Variants in NOS1AP observed in about 807,000 individuals in gnomAD.
The protein encoded by NOS1AP is carboxyl-terminal PDZ ligand of neuronal nitric oxide synthase protein.
In NOS1AP, 21 loss-of-function variants were observed where a neutral mutation model predicts 56.2. That is an observed-to-expected ratio of 0.37 (90% CI 0.26 to 0.54). The LOEUF is 0.54. NOS1AP is among the 20% of genes least tolerant of loss of function. The pLI is 0.84. For missense variants in NOS1AP, 522 were observed against 657.8 expected, an observed-to-expected ratio of 0.79 and a Z score of 2.26; for synonymous variants, 270 against 274.6, an observed-to-expected ratio of 0.98 and a Z score of 0.17.
At chr1:162,095,625 G>C (rs1461847806) in intron 1 of NOS1AP, among the ~76,000 whole-genome samples, 2 of 152,102 alleles carry the variant, frequency 1.3e-5, no homozygotes, top group African/African-American at 4.8e-5. Flanking sequence ...AGTTCTGTAG[G>C]GACCATATTA....
At chr1:162,222,222 A>G (rs1652805887) in intron 2 of NOS1AP, among the ~76,000 whole-genome samples, 1 of 152,232 alleles carries the variant, frequency 6.6e-6, no homozygotes, top group South Asian at 2.1e-4. Context: ...GACAGCTTGA[A>G]TGCACATGGT....
chr1:162,346,550 C>T (rs924486910), intron 6 of NOS1AP, among the ~76,000 whole-genome samples: 11 of 152,132 alleles, frequency 7.2e-5, no homozygotes, highest in Non-Finnish European at 1.3e-4. Context: ...CATGCATGCA[C>T]ACACACACAT....
chr1:162,163,882 G>A (rs1650348820), intron 2 of NOS1AP, among the ~76,000 whole-genome samples: 1 of 152,152 alleles, frequency 6.6e-6, no homozygotes, highest in Admixed American at 6.5e-5. Flanking sequence ...ATCTGCACCA[G>A]ACTGAAAAGT....
intron 6 of NOS1AP, among the ~76,000 whole-genome samples, chr1:162,349,728 G>T (rs1657429857): frequency 6.6e-6 from 1 of 152,144 alleles, no homozygotes; most frequent in Admixed American, 6.5e-5. Flanking sequence ...CAGAATACAT[G>T]ACCTCATCTG....
At chr1:162,294,878 TCA>T (rs901382424) in intron 3 of NOS1AP, among the ~76,000 whole-genome samples, 1 of 152,196 alleles carries the variant, frequency 6.6e-6, no homozygotes, top group Non-Finnish European at 1.5e-5. Context: ...CCCTCCCCAC[TCA>T]CAATTTTTTC....
intron 2 of NOS1AP, among the ~76,000 whole-genome samples, chr1:162,272,205 G>A (rs79816788): frequency 4.6e-5 from 7 of 152,210 alleles, no homozygotes; most frequent in East Asian, 1.9e-4. Flanking sequence ...CCCTCTTGAC[G>A]TCATCTAAAC....
chr1:162,218,070 A>C (rs1251765774), intron 2 of NOS1AP, among the ~76,000 whole-genome samples: 1 of 152,230 alleles, frequency 6.6e-6, no homozygotes, highest in South Asian at 2.1e-4. Flanking sequence ...TAAGTGACTG[A>C]GTTAGGACTC....
chr1:162,204,513 C>A (rs919733225), intron 2 of NOS1AP, among the ~76,000 whole-genome samples: 2 of 152,164 alleles, frequency 1.3e-5, no homozygotes, highest in African/African-American at 4.8e-5. Flanking sequence ...CAGCGAATGG[C>A]CAGCCAGTGT....
chr1:162,154,848 T>G (rs967311219), intron 2 of NOS1AP, among the ~76,000 whole-genome samples: 22 of 152,076 alleles, frequency 1.4e-4, no homozygotes, highest in Non-Finnish European at 5.9e-5. Context: ...AAGATGGGGT[T>G]TCACCGTGTT....
intron 2 of NOS1AP, among the ~76,000 whole-genome samples, chr1:162,261,495 AG>A (rs1441391381): frequency 0.014 from 4 of 278 alleles, 2 homozygotes; most frequent in Non-Finnish European, 0.12. Context: ...AGAGAGAGAG[AG>A]AGAGAGAGAG....
At chr1:162,157,627 G>A (rs747686745) in intron 2 of NOS1AP, among the ~76,000 whole-genome samples, 3 of 152,206 alleles carry the variant, frequency 2.0e-5, no homozygotes, top group Non-Finnish European at 4.4e-5. Context: ...TTGGAAAACA[G>A]CAGTTATGAT....
intron 1 of NOS1AP, among the ~76,000 whole-genome samples, chr1:162,098,685 C>T (rs1692306235): frequency 1.3e-5 from 2 of 152,078 alleles, no homozygotes; most frequent in African/African-American, 4.8e-5. Context: ...CTGATAGACC[C>T]CTAGTGTGTG....
At chr1:162,183,964 G>T (rs1387123161) in intron 2 of NOS1AP, among the ~76,000 whole-genome samples, 2 of 152,146 alleles carry the variant, frequency 1.3e-5, no homozygotes, top group Admixed American at 1.3e-4. Flanking sequence ...TAACTGTTTG[G>T]CACAGGAGGC....
intron 5 of NOS1AP, among the ~76,000 whole-genome samples, chr1:162,336,624 C>T (rs1656948521): frequency 6.6e-6 from 1 of 152,140 alleles, no homozygotes; most frequent in Non-Finnish European, 1.5e-5. Context: ...GTAAATCACC[C>T]TTGGTCACAC....
At chr1:162,164,319 T>C (rs2102115906) in intron 2 of NOS1AP, among the ~76,000 whole-genome samples, 1 of 152,186 alleles carries the variant, frequency 6.6e-6, no homozygotes, top group Non-Finnish European at 1.5e-5. Flanking sequence ...GCATTGAGCA[T>C]CTACTCTTTG....
At chr1:162,268,698 A>G (rs1654496413) in intron 2 of NOS1AP, among the ~76,000 whole-genome samples, 1 of 152,194 alleles carries the variant, frequency 6.6e-6, no homozygotes, top group Admixed American at 6.5e-5. Flanking sequence ...GAATTAAGAC[A>G]CTACATTCTA....
intron 2 of NOS1AP, among the ~76,000 whole-genome samples, chr1:162,260,897 A>T (rs146542550): frequency 1.3e-5 from 2 of 152,244 alleles, no homozygotes; most frequent in Admixed American, 1.3e-4. Flanking sequence ...TTACAAGGTA[A>T]TGAAGCTGAT....
chr1:162,220,476 A>G (rs1396854876), intron 2 of NOS1AP, among the ~76,000 whole-genome samples: 4 of 152,162 alleles, frequency 2.6e-5, no homozygotes, highest in Non-Finnish European at 1.5e-5. Flanking sequence ...AGCCAAACTC[A>G]TGGAAGTGCT....
chr1:162,181,089 G>A (rs1035843950), intron 2 of NOS1AP, among the ~76,000 whole-genome samples: 1 of 152,216 alleles, frequency 6.6e-6, no homozygotes, highest in Non-Finnish European at 1.5e-5. Context: ...TGCAAAAGAT[G>A]TAGGATTATA....
Sources: gnomAD v4.1 joint callset for allele counts (sites outside exome capture counted in the v4.1 genomes callset) on GRCh38, gnomAD v4.1.1 for gene constraint, MANE v1.5 for transcripts, NCBI Gene and HGNC (gene_info 2026-07-23, HGNC 2026-07-21) for gene names.